Variants in ADGRL2 observed in about 807,000 individuals in gnomAD.
ADGRL2 encodes calcium-independent alpha-latrotoxin receptor 2.
A neutral mutation model predicts 157.4 loss-of-function variants in ADGRL2; 44 were observed. The ratio of observed to expected loss-of-function variants is 0.28; its 90% CI spans 0.22 to 0.36. The LOEUF is 0.36. Among genes scored for constraint, ADGRL2 ranks in the 10% least tolerant of loss-of-function variants. The pLI, the probability that ADGRL2 is intolerant of heterozygous loss-of-function variation, is 1.00. For synonymous variants in ADGRL2, 585 were observed against 624.7 expected (o/e 0.94, Z 0.95); for missense variants, 1,510 against 1,768.9 (o/e 0.85, Z 2.63).
At chr1:81,823,085 C>T (rs2149897446) in intron 1 of ADGRL2, among the ~76,000 whole-genome samples, 1 of 150,332 alleles carries the variant, frequency 6.7e-6, no homozygotes, top group East Asian at 2.0e-4. Context: ...AGAAAAAAAT[C>T]TTGAAAATCT....
chr1:81,742,853 C>G (rs1286987809), intron 1 of ADGRL2, among the ~76,000 whole-genome samples: 1 of 151,992 alleles, frequency 6.6e-6, no homozygotes, highest in African/African-American at 2.4e-5. Context: ...CAAGCCATTG[C>G]TTTTCCCAGA....
chr1:81,452,680 A>AT (rs35205891), intron 2 of ADGRL2, among the ~76,000 whole-genome samples: 1 of 152,076 alleles, frequency 6.6e-6, no homozygotes, highest in Admixed American at 6.6e-5. Flanking sequence ...CACCTTATAT[A>AT]TTTTTCACAC....
intron 2 of ADGRL2, among the ~76,000 whole-genome samples, chr1:81,842,288 C>T (rs541701951): frequency 2.7e-5 from 4 of 150,580 alleles, no homozygotes; most frequent in African/African-American, 9.8e-5. Flanking sequence ...GTTCTTTATT[C>T]CCCTGATTAG....
intron 1 of ADGRL2, among the ~76,000 whole-genome samples, chr1:81,419,383 C>T (rs1208938362): frequency 6.6e-6 from 1 of 151,852 alleles, no homozygotes; most frequent in African/African-American, 2.4e-5. Flanking sequence ...TTTGTGTTTT[C>T]TTTTAGTGGA....
rs541936874 is a variant in ADGRL2 at position 81,399,145 on chromosome 1, A to T, written c.-301-45891A>T. Among the ~76,000 whole-genome samples the T allele has an allele frequency of 3.9e-5, 6 of 152,290 alleles. No individual in the cohort carries two copies. The East Asian group carries it at 1.2e-3, about 29-fold the overall frequency. On this transcript the variant is annotated intron_variant, in intron 1 of 24. Coordinates refer to the ADGRL2 transcript ENST00000370721. ...GGCAAAGCAAAAGAGAGAGAGAGTG[A>T]TGGAGGAAGTGACACACACTTTTAA...
chr1:81,901,961 GACA>G (rs1465391420), intron 2 of ADGRL2, among the ~76,000 whole-genome samples: 1 of 152,154 alleles, frequency 6.6e-6, no homozygotes, highest in Admixed American at 6.5e-5. Flanking sequence ...AGGAGCTCCT[GACA>G]ACATGTGCCC....
At position 81,943,091 on chromosome 1, in the gene ADGRL2, C is replaced by T; in HGVS notation, c.532C>T (p.Pro178Ser). ...LQAADKIYFM[P>S]WTPYRTDTLI... ...GGCTGCAGATAAAATTTATTTCATG[C>T]CCTGGACTCCCTATCGTACCGATAC... The change falls in exon 6 of 24, where the codon CCC (proline) becomes TCC (serine). Residue 178 changes from proline (P) to serine (S), a missense_variant. Physicochemically the swap from Pro to Ser is moderately conservative, Grantham distance 74. This residue lies in a region of ADGRL2 where 361 missense variants were observed against 498.4 expected (regional missense o/e 0.72). Transcript: ENST00000686636. This position sits in a 1 kb window ranked among gnomAD's most constrained non-coding sequence, Gnocchi z 5.6. 1 of 1,613,378 alleles carries T rather than the reference C, an allele frequency of 6.2e-7. No individual in the cohort carries two copies. The highest frequency in any genetic ancestry group is 8.5e-7 in the Non-Finnish European group (1 of 1,179,530).
At position 81,936,765 on chromosome 1, in the gene ADGRL2, T is replaced by G; in HGVS notation, c.325T>G (p.Ser109Ala). 2.5e-6 allele frequency: 4 copies of G among 1,612,010 alleles called. No homozygotes were observed. Among genetic ancestry groups the G allele is most frequent in the Non-Finnish European group, 3.4e-6 (4 of 1,178,434 alleles). Reference protein sequence around the residue: ...NRTQCIVVTGSDVFPDPCPGT... With the variant: ...NRTQCIVVTGADVFPDPCPGT... ...AACACAGTGTATAGTAGTTACTGGGTCAGATGTGTTTCCTGATCCATGTCC... is the reference window on the plus strand; with the variant it reads ...AACACAGTGTATAGTAGTTACTGGGGCAGATGTGTTTCCTGATCCATGTCC... Residue 109 changes from serine to alanine, a missense_variant, in exon 4 of 24, where the codon TCA becomes GCA. By Grantham distance (99) the Ser-to-Ala change is moderately conservative. Around this residue, in one of 4 missense-constraint regions of ADGRL2, gnomAD observed 361 missense variants for 498.4 expected, o/e 0.72. Coordinates refer to ENST00000686636, the MANE Select transcript of ADGRL2 (RefSeq NM_001366006.2).
At chr1:81,772,878 A>T (rs534085255) in intron 2 of ADGRL2, among the ~76,000 whole-genome samples, 4 of 152,322 alleles carry the variant, frequency 2.6e-5, no homozygotes, top group South Asian at 2.1e-4. Flanking sequence ...ATATTTTTAT[A>T]GACAGAAACC....
intron 3 of ADGRL2, among the ~76,000 whole-genome samples, chr1:81,679,915 C>T (rs189506398): frequency 1.1e-4 from 17 of 152,238 alleles, no homozygotes; most frequent in African/African-American, 4.1e-4. Context: ...CCCTCAAGAG[C>T]ATTTCTTTCA....
chr1:81,368,437 G>A (rs1195991077), intron 1 of ADGRL2, among the ~76,000 whole-genome samples: 1 of 152,102 alleles, frequency 6.6e-6, no homozygotes, highest in Non-Finnish European at 1.5e-5. Flanking sequence ...TCTTTCAAAA[G>A]TGTTAGCTAT....
chr1:81,895,393 C>CTTTTTTTTTTTTTTTTTTTTT (rs34557038), intron 2 of ADGRL2, among the ~76,000 whole-genome samples: 1 of 97,572 alleles, frequency 1.0e-5, no homozygotes, highest in East Asian at 3.5e-4. Context: ...TTAAATGTAT[C>CTTTTTTTTTTTTTTTTTTTTT]TTTTTTTTTT....
At chr1:81,716,528 A>G (rs988442950) in intron 1 of ADGRL2, among the ~76,000 whole-genome samples, 4 of 152,132 alleles carry the variant, frequency 2.6e-5, no homozygotes, top group African/African-American at 7.2e-5. Flanking sequence ...CCAACAACAA[A>G]CTGAGTAATC....
intron 1 of ADGRL2, among the ~76,000 whole-genome samples, chr1:81,413,910 G>C (rs1305743117): frequency 6.6e-6 from 1 of 152,176 alleles, no homozygotes; most frequent in Non-Finnish European, 1.5e-5. Flanking sequence ...AAACATCAAA[G>C]AGGAAGGGGA....
At chr1:81,963,477 A>G (rs1477602931) in intron 11 of ADGRL2, among the ~76,000 whole-genome samples, 1 of 151,992 alleles carries the variant, frequency 6.6e-6, no homozygotes, top group Non-Finnish European at 1.5e-5. Flanking sequence ...GAATGCTTCT[A>G]GAGTTTTTCA....
At chr1:81,431,031 A>C (rs1245330061) in intron 1 of ADGRL2, among the ~76,000 whole-genome samples, 1 of 152,180 alleles carries the variant, frequency 6.6e-6, no homozygotes, top group Admixed American at 6.5e-5. Context: ...CTGATTCTTT[A>C]ATAAAACAGC....
chr1:81,369,805 G>A (rs1420438988), intron 1 of ADGRL2, among the ~76,000 whole-genome samples: 3 of 152,176 alleles, frequency 2.0e-5, no homozygotes, highest in African/African-American at 7.2e-5. Context: ...TGAAGCACTT[G>A]TAATCGTACA....
intron 2 of ADGRL2, among the ~76,000 whole-genome samples, chr1:81,868,094 T>TGTGTGG (rs397775704): frequency 6.6e-6 from 1 of 150,430 alleles, no homozygotes; most frequent in African/African-American, 2.5e-5. Flanking sequence ...TGTGTGTGTG[T>TGTGTGG]GATAAAAATT....
intron 3 of ADGRL2, among the ~76,000 whole-genome samples, chr1:81,912,617 C>T (rs1332907914): frequency 1.3e-5 from 2 of 151,846 alleles, no homozygotes; most frequent in South Asian, 2.1e-4. Flanking sequence ...AATTTGAGTA[C>T]GCAAAACCTG....
Sources: allele counts gnomAD v4.1 joint callset (sites outside exome capture counted in the v4.1 genomes callset), GRCh38; gene constraint gnomAD v4.1.1; regional missense constraint gnomAD v4.1.1; non-coding constraint Gnocchi (gnomAD v3.1); transcripts MANE v1.5; gene names NCBI Gene and HGNC (gene_info 2026-07-23, HGNC 2026-07-21).